KALRN: variants seen among roughly 807,000 people sequenced by gnomAD.
The protein encoded by KALRN is kalirin RhoGEF kinase.
A neutral mutation model predicts 353.7 loss-of-function variants in KALRN; 70 were observed. The ratio of observed to expected loss-of-function variants is 0.20; its 90% CI spans 0.16 to 0.24. The LOEUF is 0.24. Among genes scored for constraint, KALRN ranks in the 10% least tolerant of loss-of-function variants. The pLI, the probability that KALRN is intolerant of heterozygous loss-of-function variation, is 1.00. For missense variants in KALRN, 2,791 were observed against 3,756.7 expected (o/e 0.74, Z 6.72); for synonymous variants, 1,391 against 1,434.8 (o/e 0.97, Z 0.69).
At chr3:124,707,431 T>TTCCTTCCTTCCTTCCTTCCC (rs2062683886) in intron 57 of KALRN, among the ~76,000 whole-genome samples, 1 of 133,464 alleles carries the variant, frequency 7.5e-6, no homozygotes, top group East Asian at 2.1e-4. Context: ...CCTTCCTTCC[T>TTCCTTCCTTCCTTCCTTCCC]TCCTTCCTTC....
At chr3:124,472,776 T>A (rs7650909) in intron 25 of KALRN, among the ~76,000 whole-genome samples, 11,224 of 152,214 alleles carry the variant, frequency 0.074, 1,388 homozygotes, top group African/African-American at 0.25. Context: ...TTAGTTTAAA[T>A]GTGTCACTTG....
At chr3:124,679,775 G>A (rs2087579768) in intron 51 of KALRN, 2 of 535,586 alleles carry the variant, frequency 3.7e-6, no homozygotes, top group African/African-American at 1.9e-5. Flanking sequence ...TTCTCCTTTG[G>A]CAGGTTTGAC....
chr3:124,351,327 G>C (rs1362924122), intron 10 of KALRN, among the ~76,000 whole-genome samples: 1 of 152,138 alleles, frequency 6.6e-6, no homozygotes, highest in Non-Finnish European at 1.5e-5. Flanking sequence ...ATATGCTGTG[G>C]GGTAGGAGCC....
At chr3:124,356,914 G>C (rs1246445197) in intron 10 of KALRN, among the ~76,000 whole-genome samples, 4 of 152,080 alleles carry the variant, frequency 2.6e-5, no homozygotes, top group Non-Finnish European at 2.9e-5. Flanking sequence ...TCTCATCTCT[G>C]GTTTCACCCC....
At chr3:124,588,625 C>G in intron 34 of KALRN, among the ~76,000 whole-genome samples, 1 of 152,048 alleles carries the variant, frequency 6.6e-6, no homozygotes, top group East Asian at 1.9e-4. Context: ...GGGGTTTCAC[C>G]ATTTTGTCTA....
chr3:124,633,269 A>T (rs889551728), intron 35 of KALRN, among the ~76,000 whole-genome samples: 8 of 152,228 alleles, frequency 5.3e-5, no homozygotes, highest in African/African-American at 1.9e-4. Context: ...GAACGCCCAT[A>T]CTGGAAGGTT....
chr3:124,618,194 C>T lies in KALRN; in HGVS notation c.5183-14226C>T, dbSNP rs570797867. Among the ~76,000 whole-genome samples, 3 of 149,216 alleles carry T rather than the reference C, an allele frequency of 2.0e-5. No homozygotes were observed. In the South Asian group the frequency reaches 6.4e-4, roughly 32 times the overall value. ...CACGATCTCGGCTCACTGCAAGCTC[C>T]GCCTCCCGGGGTTCATGCCCTTCTC... is the stretch of plus-strand genomic sequence containing the variant. On this transcript the variant is annotated intron_variant, in intron 34 of 59. Transcript: ENST00000682506.
intron 1 of KALRN, among the ~76,000 whole-genome samples, chr3:124,210,203 T>A (rs1041327441): frequency 6.6e-6 from 1 of 152,228 alleles, no homozygotes; most frequent in Non-Finnish European, 1.5e-5. Flanking sequence ...ATAATATGTA[T>A]AAAGCACTTA....
rs145671702 is a variant in KALRN at position 124,276,936 on chromosome 3, C to T, written c.969+7681C>T. 3.3e-4 allele frequency among the ~76,000 whole-genome samples: 51 copies of T among 152,340 alleles called. No homozygotes were observed. In the East Asian group the frequency reaches 9.3e-3, roughly 28 times the overall value. On this transcript the variant is annotated intron_variant, in intron 5 of 59. Coordinates refer to ENST00000682506, the MANE Select transcript of KALRN (RefSeq NM_001388419.1). ...TGCTCCTCCCTCTTCTCCCAACACA[C>T]GCACGCACACATGTGCGCATGCACA... is the stretch of plus-strand genomic sequence containing the variant.
intron 34 of KALRN, among the ~76,000 whole-genome samples, chr3:124,628,466 C>T (rs2080328873): frequency 9.6e-6 from 1 of 103,766 alleles, no homozygotes; most frequent in Admixed American, 1.1e-4. Context: ...CCCTCCTTCC[C>T]TTCCTTCCCT....
At chr3:124,691,884 C>T (rs1026944509) in intron 51 of KALRN, among the ~76,000 whole-genome samples, 12 of 152,114 alleles carry the variant, frequency 7.9e-5, no homozygotes, top group African/African-American at 2.4e-4. Flanking sequence ...TGCCATGCCT[C>T]GAAACCTTTT....
Position 124,224,314 on chromosome 3 carries a change from A to G in KALRN, c.74-3676A>G, listed in dbSNP as rs562932406. On this transcript the variant is annotated intron_variant, in intron 1 of 59. Transcript: ENST00000682506. ...TTTGGCTTCCCTGGGCCACATTGAA[A>G]GAAAAAGAATTGTCTTGGACCACAC... 2.0e-5 allele frequency among the ~76,000 whole-genome samples: 3 copies of G among 151,932 alleles called. No individual in the cohort carries two copies. The South Asian group carries it at 6.3e-4, about 32-fold the overall frequency.
At chr3:124,045,876 T>C (rs905975165) in intron 1 of KALRN, among the ~76,000 whole-genome samples, 6 of 152,128 alleles carry the variant, frequency 3.9e-5, no homozygotes, top group African/African-American at 1.4e-4. Flanking sequence ...GTGGGGAAGA[T>C]TCATTGAAGA....
chr3:124,522,455 A>G (rs2067241700), intron 33 of KALRN, among the ~76,000 whole-genome samples: 1 of 152,104 alleles, frequency 6.6e-6, no homozygotes, highest in African/African-American at 2.4e-5. Flanking sequence ...GAAAAGTCCC[A>G]CAAGCTGCTT....
intron 18 of KALRN, among the ~76,000 whole-genome samples, 163 bp downstream of exon 18, chr3:124,439,200 T>TCTCACACACACACACACA (rs1553969726): frequency 1.0e-4 from 10 of 98,876 alleles, no homozygotes; most frequent in African/African-American, 3.2e-4. Flanking sequence ...TCTCTCTCTC[T>TCTCACACACACACACACA]CACACACACA....
At chr3:124,713,455 T>A (rs2150792506) in intron 58 of KALRN, among the ~76,000 whole-genome samples, 1 of 152,242 alleles carries the variant, frequency 6.6e-6, no homozygotes, top group South Asian at 2.1e-4. Context: ...GGGCAGGAGT[T>A]TGGGAAGAGC....
At chr3:124,513,162 GAGAA>G (rs975694258) in intron 33 of KALRN, among the ~76,000 whole-genome samples, 1 of 152,176 alleles carries the variant, frequency 6.6e-6, no homozygotes, top group African/African-American at 2.4e-5. Flanking sequence ...TGAAAAGAAA[GAGAA>G]AGAAAATTCA....
chr3:124,267,913 A>G (rs2073748881), intron 4 of KALRN, among the ~76,000 whole-genome samples: 1 of 152,214 alleles, frequency 6.6e-6, no homozygotes, highest in African/African-American at 2.4e-5. Context: ...CATTACACAG[A>G]GGAGGAGACT....
intron 1 of KALRN, among the ~76,000 whole-genome samples, chr3:124,132,315 C>T (rs1397785395): frequency 2.6e-5 from 4 of 152,082 alleles, no homozygotes; most frequent in African/African-American, 9.7e-5. Flanking sequence ...TAGTTTGGGG[C>T]CACATTTTCC....
Sources: allele counts gnomAD v4.1 joint callset (sites outside exome capture counted in the v4.1 genomes callset), GRCh38; gene constraint gnomAD v4.1.1; transcripts MANE v1.5; gene names NCBI Gene and HGNC (gene_info 2026-07-23, HGNC 2026-07-21).